The following MAPK8IP1 variants were observed in gnomAD, a reference collection of about 807,000 sequenced individuals.
The protein encoded by MAPK8IP1 is mitogen-activated protein kinase 8 interacting protein 1.
In MAPK8IP1, 17 loss-of-function variants were observed where a neutral mutation model predicts 72.6. The ratio of observed to expected loss-of-function variants is 0.23; its 90% confidence interval spans 0.16 to 0.35. MAPK8IP1 has a LOEUF of 0.35. MAPK8IP1 is among the 10% of genes least tolerant of loss of function. MAPK8IP1 has a pLI of 1.00. For synonymous variants in MAPK8IP1, 401 were observed against 443.4 expected (o/e 0.90, Z 1.20); for missense variants, 789 against 1,009.7 (o/e 0.78, Z 2.96).
In MAPK8IP1 at chr11:45,892,654, G is replaced by A. The variant is rs148182158; in HGVS notation, c.102-5431G>A. Among the ~76,000 whole-genome samples the A allele has an allele frequency of 1.1e-3, 169 of 152,222 alleles. 1 individual carries two copies. Among genetic ancestry groups the A allele is most frequent in the Non-Finnish European group, 2.1e-3 (144 of 68,018 alleles). Reference sequence around the variant, plus strand: ...TGGGAGCTGCGCTATTGAAGGAGGAGATAAAGGTGGGAGGTGGGGGGAATG... The same window carrying A: ...TGGGAGCTGCGCTATTGAAGGAGGAAATAAAGGTGGGAGGTGGGGGGAATG... On this transcript the variant is annotated intron_variant, in intron 1 of 11. Coordinates refer to ENST00000241014, the MANE Select transcript of MAPK8IP1 (RefSeq NM_005456.4).
In MAPK8IP1 at chr11:45,905,036, C is replaced by A. The variant is rs185641054; in HGVS notation, c.1959C>A (p.Asn653Lys). ...CTTTCTGCGGATATCATCCAAAGAA[C>A]AACAAGTAAGTGGGGGTGGGATGGC... Reference protein sequence around the residue: ...NISFCGYHPKNNKYFGFITKH... With the variant: ...NISFCGYHPKKNKYFGFITKH... The change falls in exon 10 of 12, where the codon AAC becomes AAA. Residue 653 changes from asparagine (N) to lysine (K), a missense_variant. Transcript: ENST00000241014. The A allele has an allele frequency of 6.2e-7, 1 of 1,614,126 alleles. No homozygotes were observed. The highest frequency in any genetic ancestry group is 2.2e-5 in the East Asian group (1 of 44,884).
chr11:45,899,344 G>T (rs1443548138), intron 2 of MAPK8IP1, among the ~76,000 whole-genome samples: 1 of 152,282 alleles, frequency 6.6e-6, no homozygotes, highest in Non-Finnish European at 1.5e-5. Context: ...CTGGCCAGAG[G>T]TGTGCCCCTA....
chr11:45,896,705 G>C, intron 1 of MAPK8IP1: 1 of 1,435,046 alleles, frequency 7.0e-7, no homozygotes, highest in Non-Finnish European at 9.1e-7. Flanking sequence ...CTCCTGGCCT[G>C]TCTATTTTTA....
Position 45,905,710 on chromosome 11 carries a change from T to C in MAPK8IP1, c.2125T>C (p.Tyr709His), listed in dbSNP as rs1255854642. Residue 709 changes from tyrosine (Y) to histidine (H), a missense_variant, in exon 12 of 12, where the codon TAC (tyrosine) becomes CAC (histidine). Coordinates refer to ENST00000241014, the MANE Select transcript of MAPK8IP1 (RefSeq NM_005456.4). ...VEYTCPTEDI[Y>H]LE is the part of the protein sequence containing the mutation. ...GTACACCTGCCCCACAGAAGATATC[T>C]ACCTGGAGTAGCTGTGCAGCCCCGC... 1 of 1,613,536 alleles carries C rather than the reference T, an allele frequency of 6.2e-7. No individual in the cohort carries two copies.
At chr11:45,887,931 G>A (rs1335227823) in intron 1 of MAPK8IP1, among the ~76,000 whole-genome samples, 2 of 152,256 alleles carry the variant, frequency 1.3e-5, no homozygotes, top group African/African-American at 4.8e-5. Flanking sequence ...TGGGTGGGTA[G>A]ATAGTGCTTT....
intron 11 of MAPK8IP1, 40 bp from the exon 12 acceptor site, chr11:45,905,609 A>G (rs2086701848): frequency 6.4e-7 from 1 of 1,568,444 alleles, no homozygotes; most frequent in Non-Finnish European, 8.8e-7. Context: ...CTCCCTTGCC[A>G]GTGGCGATCT....
At chr11:45,895,489 G>A (rs1424474369) in intron 1 of MAPK8IP1, among the ~76,000 whole-genome samples, 3 of 151,890 alleles carry the variant, frequency 2.0e-5, no homozygotes, top group Non-Finnish European at 4.4e-5. Context: ...GTATGGTGAT[G>A]CACACCTGCA....
At position 45,903,432 on chromosome 11, in the gene MAPK8IP1, C is replaced by T; in HGVS notation, c.1485C>T (p.Ala495=). 1.2e-6 allele frequency: 2 copies of T among 1,612,450 alleles called. No individual in the cohort carries two copies. The highest frequency in any genetic ancestry group is 1.7e-6 in the Non-Finnish European group (2 of 1,179,910). ...NGEEQEQTHR[A]IFRFVPRHED... is the part of the protein sequence containing the mutation. The stretch of plus-strand genomic sequence containing the variant: ...AGGAGCAGGAGCAGACCCACCGGGC[C>T]ATATTCAGGTGAGAGCCATGGGCTG... The change falls in exon 6 of 12, where the codon GCC becomes GCT. Residue 495 remains alanine, a synonymous_variant. Coordinates refer to ENST00000241014, the MANE Select transcript of MAPK8IP1 (RefSeq NM_005456.4). This position sits in a 1 kb window ranked among gnomAD's most constrained non-coding sequence, Gnocchi z 6.4.
At chr11:45,898,739 C>G (rs1436821762) in intron 2 of MAPK8IP1, among the ~76,000 whole-genome samples, 1 of 152,230 alleles carries the variant, frequency 6.6e-6, no homozygotes, top group East Asian at 1.9e-4. Context: ...AGGGGTTTGC[C>G]CAGCATTGCT....
In MAPK8IP1 at chr11:45,886,362, G is replaced by A. The variant is rs2086527505; in HGVS notation, c.101+441G>A. Among the ~76,000 whole-genome samples, 6 of 152,220 alleles carry A rather than the reference G, an allele frequency of 3.9e-5. 1 individual carries two copies. In the South Asian group the frequency reaches 1.2e-3, roughly 31 times the overall value. ...ACGACATTGTTGGTGCTGGGAGGAG[G>A]ATGTTTGAGCCCCTCCCCGAGCCCT... is the stretch of plus-strand genomic sequence containing the variant. On this transcript the variant is annotated intron_variant, in intron 1 of 11. Coordinates refer to ENST00000241014, the MANE Select transcript of MAPK8IP1 (RefSeq NM_005456.4).
In MAPK8IP1 at chr11:45,904,730, C is replaced by T. The variant is rs771771468; in HGVS notation, c.1789C>T (p.Arg597Cys). 8.1e-6 allele frequency: 13 copies of T among 1,613,778 alleles called. No individual in the cohort carries two copies. Among genetic ancestry groups the T allele is most frequent in the Non-Finnish European group, 1.1e-5 (13 of 1,180,036 alleles). The change falls in exon 9 of 12, where the codon CGC (arginine) becomes TGC (cysteine). Residue 597 changes from arginine (R) to cysteine (C), a missense_variant. This residue lies in a region of MAPK8IP1 where 188 missense variants were observed against 293.3 expected (regional missense o/e 0.64). Transcript: ENST00000241014. This position sits in a 1 kb window ranked among gnomAD's most constrained non-coding sequence, Gnocchi z 6.4. ...TTGTCACCTGTAGATTGCCACCACC[C>T]GCCGGCTCACCGTGCACTTTAACCC... The part of the protein sequence containing the change: ...CAAMQKIATT[R>C]RLTVHFNPPS...
chr11:45,891,577 C>A (rs2086566330), intron 1 of MAPK8IP1, among the ~76,000 whole-genome samples: 1 of 152,146 alleles, frequency 6.6e-6, no homozygotes, highest in Admixed American at 6.5e-5. Flanking sequence ...GGAGCCCATG[C>A]TAGGCTGGCA....
At position 45,900,179 on chromosome 11, in the gene MAPK8IP1, G is replaced by A. The variant is rs986935518; in HGVS notation, c.249G>A (p.Ala83=). The A allele has an allele frequency of 6.9e-6, 9 of 1,313,416 alleles. No homozygotes were observed. The East Asian group carries it at 1.9e-4, about 28-fold the overall frequency. 81.4% of individuals were successfully genotyped at this position (1,313,416 alleles called of 1,614,324 possible). A position where few individuals can be genotyped will look rare whatever the true frequency, so the allele number is the denominator to read the frequency against. The change falls in exon 3 of 12, where the codon GCG becomes GCA. Residue 83 remains alanine, a synonymous_variant. Coordinates refer to ENST00000241014, the MANE Select transcript of MAPK8IP1 (RefSeq NM_005456.4). This position sits in a 1 kb window ranked among gnomAD's most constrained non-coding sequence, Gnocchi z 6.5. ...TGCTCTCTGCGGGCGGCGGCGGCGC[G>A]GGGAGCCGGTTGCAGGCCGAGATGC... is the stretch of plus-strand genomic sequence containing the variant. ...AGLLSAGGGG[A]GSRLQAEMLQ...
intron 1 of MAPK8IP1, among the ~76,000 whole-genome samples, chr11:45,888,991 C>T (rs967146467): frequency 8.5e-5 from 13 of 152,180 alleles, no homozygotes; most frequent in South Asian, 2.1e-4. Flanking sequence ...CGAGCCACCA[C>T]GCCCAGTGTC....
chr11:45,890,280 A>T (rs537269774), intron 1 of MAPK8IP1, among the ~76,000 whole-genome samples: 10 of 152,362 alleles, frequency 6.6e-5, no homozygotes, highest in Non-Finnish European at 1.5e-4. Context: ...ACAGGGTCAG[A>T]CAGATCCTCT....
At chr11:45,894,324 T>G (rs2086587459) in intron 1 of MAPK8IP1, among the ~76,000 whole-genome samples, 1 of 151,962 alleles carries the variant, frequency 6.6e-6, no homozygotes, top group Non-Finnish European at 1.5e-5. Flanking sequence ...CCTGATATGG[T>G]GATCATTCTT....
chr11:45,885,987 C>A, intron 1 of MAPK8IP1, 66 bp downstream of exon 1: 2 of 860,032 alleles, frequency 2.3e-6, no homozygotes, highest in Middle Eastern at 2.6e-4. Flanking sequence ...GGCTGCCCTG[C>A]CCGCCCCCCA....
chr11:45,896,498 C>G (rs1329989172), intron 1 of MAPK8IP1: 51 of 1,016,914 alleles, frequency 5.0e-5, no homozygotes, highest in Non-Finnish European at 5.6e-5. Context: ...GGAGGGGGGG[C>G]CACTCAGCCC....
At chr11:45,886,557 G>A (rs913062278) in intron 1 of MAPK8IP1, among the ~76,000 whole-genome samples, 5 of 152,208 alleles carry the variant, frequency 3.3e-5, no homozygotes, top group Admixed American at 3.3e-4. Flanking sequence ...CGGCTCTGGA[G>A]TAGCCAGGGC....
Sources: gnomAD v4.1 joint callset for allele counts (sites outside exome capture counted in the v4.1 genomes callset) on GRCh38, gnomAD v4.1.1 for gene constraint, gnomAD v4.1.1 regional missense constraint, Gnocchi (gnomAD v3.1) non-coding constraint, MANE v1.5 for transcripts, NCBI Gene and HGNC (gene_info 2026-07-23, HGNC 2026-07-21) for gene names.